The following HIVEP3 variants were observed in gnomAD, a reference collection of about 807,000 sequenced individuals.
The protein encoded by HIVEP3 is transcription factor HIVEP3.
A neutral mutation model predicts 152.8 loss-of-function variants in HIVEP3; 49 were observed. The ratio of observed to expected loss-of-function variants is 0.32; its 90% CI spans 0.26 to 0.41. The LOEUF (loss-of-function observed/expected upper bound fraction) is 0.41. Ranked by LOEUF, HIVEP3 falls within the 10% of genes least tolerant of loss-of-function variation. HIVEP3 has a pLI of 1.00. For missense variants in HIVEP3, 2,790 were observed against 3,103.3 expected (o/e 0.90, Z 2.40); for synonymous variants, 1,269 against 1,289.0 (o/e 0.98, Z 0.33).
chr1:41,573,229 T>A (rs955231383), intron 5 of HIVEP3, among the ~76,000 whole-genome samples: 3 of 152,148 alleles, frequency 2.0e-5, no homozygotes, highest in African/African-American at 7.2e-5. Context: ...ATTCTGGGTG[T>A]GGGCACTCTT....
intron 5 of HIVEP3, among the ~76,000 whole-genome samples, chr1:41,563,827 T>C (rs1216222986): frequency 6.6e-6 from 1 of 152,076 alleles, no homozygotes; most frequent in African/African-American, 2.4e-5. Context: ...CTAACGTTAA[T>C]AGCCTTAGAG....
intron 1 of HIVEP3, among the ~76,000 whole-genome samples, chr1:41,951,311 A>ATAG (rs1252739031): frequency 1.3e-5 from 2 of 152,230 alleles, no homozygotes; most frequent in Admixed American, 1.3e-4. Context: ...GGCCAAAAAG[A>ATAG]TAGCACACTG....
At chr1:41,527,956 C>T (rs1360472809) in intron 5 of HIVEP3, among the ~76,000 whole-genome samples, 2 of 148,028 alleles carry the variant, frequency 1.4e-5, no homozygotes, top group African/African-American at 5.0e-5. Flanking sequence ...ACACATGCAC[C>T]CCACACCCTT....
rs114730058 is a variant in HIVEP3, at chr1:41,626,936, A to G, written c.-522+1813T>C. Among the ~76,000 whole-genome samples the G allele has an allele frequency of 3.8e-3, 582 of 152,306 alleles. 4 individuals carry two copies. The highest frequency in any genetic ancestry group is 0.036 in the South Asian group (176 of 4,824). ...CTTACCATCTGTGTAGCTGTCTTTA[A>G]ACTACTGAACCTCTCTGTGCTCAGT... On this transcript the variant is annotated intron_variant, in intron 3 of 8. Transcript: ENST00000372583.
intron 1 of HIVEP3, among the ~76,000 whole-genome samples, chr1:41,858,691 G>A (rs1034683286): frequency 6.6e-6 from 1 of 152,226 alleles, no homozygotes; most frequent in African/African-American, 2.4e-5. Context: ...GGGTGAAACA[G>A]TGTCAGATAA....
At chr1:41,538,935 TG>T (rs948379576) in intron 5 of HIVEP3, among the ~76,000 whole-genome samples, 2 of 151,866 alleles carry the variant, frequency 1.3e-5, no homozygotes, top group Non-Finnish European at 2.9e-5. Context: ...TCATGGGGCA[TG>T]GGGGTGGGGA....
At chr1:41,799,899 C>T (rs564493729) in intron 1 of HIVEP3, among the ~76,000 whole-genome samples, 1 of 152,224 alleles carries the variant, frequency 6.6e-6, no homozygotes, top group East Asian at 1.9e-4. Context: ...GCCTGAGAAG[C>T]TGCACACTAT....
At chr1:41,577,053 A>G (rs888991111) in intron 4 of HIVEP3, among the ~76,000 whole-genome samples, 2 of 152,122 alleles carry the variant, frequency 1.3e-5, no homozygotes, top group African/African-American at 4.8e-5. Context: ...GGTGCCTCCC[A>G]CAGGCAAACA....
intron 3 of HIVEP3, among the ~76,000 whole-genome samples, chr1:41,609,627 C>CA (rs2149131578): frequency 6.6e-6 from 1 of 152,380 alleles, no homozygotes; most frequent in Non-Finnish European, 1.5e-5. Context: ...TAAGACCCTT[C>CA]AGCCTCCCCA....
At chr1:41,941,116 C>T (rs567705693) in intron 1 of HIVEP3, among the ~76,000 whole-genome samples, 19 of 152,188 alleles carry the variant, frequency 1.2e-4, no homozygotes, top group African/African-American at 4.3e-4. Flanking sequence ...AGTTAGAGGC[C>T]AGGCTGAAAC....
intron 1 of HIVEP3, among the ~76,000 whole-genome samples, chr1:41,705,827 G>A (rs138816826): frequency 6.6e-6 from 1 of 152,316 alleles, no homozygotes; most frequent in Non-Finnish European, 1.5e-5. Context: ...GTTCCATGCA[G>A]TCTTACTTCT....
chr1:41,790,529 G>C (rs964040395), intron 1 of HIVEP3, among the ~76,000 whole-genome samples: 1 of 152,186 alleles, frequency 6.6e-6, no homozygotes, highest in Non-Finnish European at 1.5e-5. Flanking sequence ...ATCTCTCTGT[G>C]CTTCTGTTTT....
At chr1:41,957,607 T>C (rs1208079324) in intron 1 of HIVEP3, among the ~76,000 whole-genome samples, 1 of 152,200 alleles carries the variant, frequency 6.6e-6, no homozygotes, top group Non-Finnish European at 1.5e-5. Flanking sequence ...CGTGCAGTGA[T>C]CCCTACTGTC....
intron 1 of HIVEP3, among the ~76,000 whole-genome samples, chr1:41,981,254 G>A (rs1296329337): frequency 6.6e-6 from 1 of 152,180 alleles, no homozygotes; most frequent in Non-Finnish European, 1.5e-5. Flanking sequence ...CATCAGCCTG[G>A]TAAAACATCG....
At chr1:41,845,927 C>G (rs549275347) in intron 1 of HIVEP3, among the ~76,000 whole-genome samples, 9 of 152,170 alleles carry the variant, frequency 5.9e-5, no homozygotes, top group African/African-American at 2.2e-4. Flanking sequence ...ATTAGCCAGG[C>G]ATGGTGGTTG....
At chr1:41,786,210 A>G (rs1362750934) in intron 1 of HIVEP3, among the ~76,000 whole-genome samples, 1 of 152,240 alleles carries the variant, frequency 6.6e-6, no homozygotes, top group Non-Finnish European at 1.5e-5. Flanking sequence ...GGGAACATTA[A>G]TGATACTTGC....
chr1:41,792,199 C>T (rs954497709), intron 1 of HIVEP3, among the ~76,000 whole-genome samples: 1 of 152,232 alleles, frequency 6.6e-6, no homozygotes, highest in Admixed American at 6.5e-5. Context: ...GACCTGGGAA[C>T]ACTGAGCACA....
At chr1:42,027,338 A>T (rs183615470) in intron 1 of HIVEP3, among the ~76,000 whole-genome samples, 6 of 152,326 alleles carry the variant, frequency 3.9e-5, no homozygotes, top group African/African-American at 1.4e-4. Flanking sequence ...GCATAGCCTC[A>T]TAATTAGTTT....
At chr1:41,807,283 G>A (rs1650688320) in intron 1 of HIVEP3, among the ~76,000 whole-genome samples, 1 of 152,188 alleles carries the variant, frequency 6.6e-6, no homozygotes, top group Non-Finnish European at 1.5e-5. Flanking sequence ...GACAGGAGGG[G>A]CAGAAGACGA....
Sources: gnomAD v4.1 joint callset for allele counts (sites outside exome capture counted in the v4.1 genomes callset) on GRCh38, gnomAD v4.1.1 for gene constraint, MANE v1.5 for transcripts, NCBI Gene and HGNC (gene_info 2026-07-23, HGNC 2026-07-21) for gene names.